FRMD5: variants seen among roughly 807,000 people sequenced by gnomAD.
The protein encoded by FRMD5 is FERM domain containing 5, also known as FERM domain-containing protein 5.
In FRMD5, 20 loss-of-function variants were observed where a neutral mutation model predicts 69.0. The observed-to-expected ratio is 0.29, with a 90% CI of 0.20 to 0.42. The LOEUF is 0.42. Among genes scored for constraint, FRMD5 ranks in the 10% least tolerant of loss-of-function variants. FRMD5 has a pLI of 1.00. For synonymous variants in FRMD5, 271 were observed against 260.1 expected (o/e 1.04, Z -0.40); for missense variants, 595 against 708.6 (o/e 0.84, Z 1.82).
chr15:44,056,185 TC>T (rs1158353514), intron 1 of FRMD5, among the ~76,000 whole-genome samples: 2 of 152,186 alleles, frequency 1.3e-5, no homozygotes, highest in African/African-American at 4.8e-5. Context: ...GAACAAATAC[TC>T]CAGCTTATAT....
At chr15:43,989,643 C>T (rs1889572235) in intron 1 of FRMD5, 2 of 885,460 alleles carry the variant, frequency 2.3e-6, no homozygotes, top group Non-Finnish European at 3.8e-6. Context: ...TCCTGACCAG[C>T]CAGGCACACA....
intron 1 of FRMD5, among the ~76,000 whole-genome samples, chr15:44,024,486 A>G (rs1338818852): frequency 6.6e-6 from 1 of 152,200 alleles, no homozygotes; most frequent in African/African-American, 2.4e-5. Context: ...ATTTTTGCCA[A>G]CATTACAGGT....
chr15:44,023,413 C>G (rs1338875360), intron 1 of FRMD5, among the ~76,000 whole-genome samples: 3 of 152,228 alleles, frequency 2.0e-5, no homozygotes, highest in Non-Finnish European at 4.4e-5. Context: ...GACAAGTAAG[C>G]CAAGGGGCTG....
At position 43,875,348 on chromosome 15, in the gene FRMD5, CAAA is replaced by C. The variant is rs1202161221; in HGVS notation, c.1136-889_1136-887del. On this transcript the variant is annotated intron_variant, in intron 13 of 13. Transcript: ENST00000417257. ...CCTGAGCAACAGAGAAAGACTGTCT[CAAA>C]AAAAAAAAAAAAATATATATATATA... 3.0e-4 allele frequency among the ~76,000 whole-genome samples: 14 copies of C among 46,814 alleles called. 1 individual carries two copies. Among genetic ancestry groups the C allele is most frequent in the African/African-American group, 1.1e-3 (11 of 10,064 alleles). The allele number at this position is 46,814 out of a possible 152,430, so 30.7% of individuals were successfully genotyped here.
chr15:43,908,615 A>G (rs1473084952), intron 5 of FRMD5, among the ~76,000 whole-genome samples: 1 of 152,190 alleles, frequency 6.6e-6, no homozygotes, highest in Non-Finnish European at 1.5e-5. Flanking sequence ...GCTGTCGTCC[A>G]AAATGATCCA....
At chr15:43,874,554 G>A (rs932786479) in intron 13 of FRMD5, 92 bp from the exon 14 acceptor site, 7 of 883,298 alleles carry the variant, frequency 7.9e-6, no homozygotes, top group Admixed American at 1.9e-5. Flanking sequence ...GTACCATTCT[G>A]CACACCCACA....
At chr15:44,085,349 G>C (rs191702238) in intron 1 of FRMD5, among the ~76,000 whole-genome samples, 8 of 152,202 alleles carry the variant, frequency 5.3e-5, no homozygotes, top group Non-Finnish European at 5.9e-5. Context: ...GGGTAGACCA[G>C]ATAACCTAAA....
At chr15:43,909,321 A>AC (rs893302511) in intron 5 of FRMD5, among the ~76,000 whole-genome samples, 9 of 151,482 alleles carry the variant, frequency 5.9e-5, no homozygotes, top group African/African-American at 2.2e-4. Flanking sequence ...AATAGCTTGA[A>AC]CCTGGGGGGC....
chr15:44,193,417 T>C (rs1280794922), intron 1 of FRMD5, among the ~76,000 whole-genome samples: 2 of 151,984 alleles, frequency 1.3e-5, no homozygotes, highest in African/African-American at 2.4e-5. Flanking sequence ...TGTATTCTCA[T>C]ACCCCAGCAA....
intron 1 of FRMD5, among the ~76,000 whole-genome samples, chr15:44,002,084 A>G (rs1890238850): frequency 6.6e-6 from 1 of 152,146 alleles, no homozygotes; most frequent in Non-Finnish European, 1.5e-5. Context: ...TCCTTTTGAC[A>G]TGTCATCATT....
chr15:43,919,418 C>T, intron 4 of FRMD5, 41 bp downstream of exon 4: 1 of 1,574,478 alleles, frequency 6.4e-7, no homozygotes, highest in Non-Finnish European at 8.7e-7. Flanking sequence ...CCTATGCTCT[C>T]CAACAGGTCC....
intron 1 of FRMD5, among the ~76,000 whole-genome samples, chr15:44,086,708 T>C (rs1288569051): frequency 1.3e-5 from 2 of 152,202 alleles, no homozygotes; most frequent in Non-Finnish European, 2.9e-5. Flanking sequence ...AAATTTTATA[T>C]TATGTGTATT....
chr15:43,947,785 G>C (rs1179461539), intron 1 of FRMD5, among the ~76,000 whole-genome samples: 1 of 152,182 alleles, frequency 6.6e-6, no homozygotes, highest in Non-Finnish European at 1.5e-5. Context: ...TGAAGCAGAG[G>C]CAGCTGGGAT....
chr15:44,011,703 G>C (rs185661639), intron 1 of FRMD5, among the ~76,000 whole-genome samples: 1 of 152,240 alleles, frequency 6.6e-6, no homozygotes, highest in Admixed American at 6.5e-5. Context: ...AGAACCTTAG[G>C]GAATACTTGC....
intron 4 of FRMD5, among the ~76,000 whole-genome samples, chr15:43,912,410 G>C (rs368677267): frequency 5.3e-5 from 8 of 152,098 alleles, no homozygotes; most frequent in Non-Finnish European, 1.2e-4. Context: ...GTGTGGGAGA[G>C]AGTGAGTGAG....
chr15:44,040,967 G>C (rs1272926348), intron 1 of FRMD5, among the ~76,000 whole-genome samples: 1 of 73,010 alleles, frequency 1.4e-5, no homozygotes, highest in Non-Finnish European at 2.5e-5. Flanking sequence ...AGGGATGGAG[G>C]AATATTTACC....
At chr15:44,143,131 C>T (rs1478434725) in intron 1 of FRMD5, among the ~76,000 whole-genome samples, 1 of 151,802 alleles carries the variant, frequency 6.6e-6, no homozygotes, top group African/African-American at 2.4e-5. Flanking sequence ...AAAGAATAAA[C>T]GTGTTCAAAA....
chr15:43,908,538 A>G (rs561446570), intron 5 of FRMD5, among the ~76,000 whole-genome samples: 6 of 152,172 alleles, frequency 3.9e-5, no homozygotes, highest in Non-Finnish European at 8.8e-5. Flanking sequence ...GGTTCTCTTC[A>G]CAAAGTTGCT....
At chr15:44,090,479 T>G (rs754053842) in intron 1 of FRMD5, among the ~76,000 whole-genome samples, 5 of 151,864 alleles carry the variant, frequency 3.3e-5, no homozygotes, top group Admixed American at 6.6e-5. Context: ...CACTCTTGTC[T>G]GGGCTGGAGA....
Sources: allele counts gnomAD v4.1 joint callset (sites outside exome capture counted in the v4.1 genomes callset), GRCh38; gene constraint gnomAD v4.1.1; transcripts MANE v1.5; gene names NCBI Gene and HGNC (gene_info 2026-07-23, HGNC 2026-07-21).